Variants in KDM4B observed in about 807,000 individuals in gnomAD.
KDM4B encodes lysine demethylase 4B.
A neutral mutation model predicts 125.2 loss-of-function variants in KDM4B; 32 were observed. The ratio of observed to expected loss-of-function variants is 0.26; its 90% confidence interval spans 0.19 to 0.34. The LOEUF (loss-of-function observed/expected upper bound fraction) is 0.34, where lower values mean the gene tolerates loss of function less well. Ranked by LOEUF, KDM4B falls within the 10% of genes least tolerant of loss-of-function variation. The pLI is 1.00. For synonymous variants in KDM4B, 721 were observed against 677.9 expected (o/e 1.06, Z -0.99); for missense variants, 1,190 against 1,577.7 (o/e 0.75, Z 4.16).
At chr19:5,065,639 G>A (rs976539992) in intron 6 of KDM4B, among the ~76,000 whole-genome samples, 2 of 152,248 alleles carry the variant, frequency 1.3e-5, no homozygotes, top group African/African-American at 4.8e-5. Context: ...CGGGGCCAGC[G>A]TGGCGGCGAG....
At chr19:5,038,706 C>T (rs759322285) in intron 3 of KDM4B, among the ~76,000 whole-genome samples, 3 of 152,224 alleles carry the variant, frequency 2.0e-5, no homozygotes, top group Non-Finnish European at 2.9e-5. Context: ...TTGTGGATCG[C>T]TGTGTGCCTC....
chr19:5,070,841 C>G, intron 6 of KDM4B, 169 bp from the exon 7 acceptor site: 1 of 583,834 alleles, frequency 1.7e-6, no homozygotes, highest in Non-Finnish European at 3.0e-6. Context: ...CGGATTCCGT[C>G]CTGAAAGCCC....
intron 2 of KDM4B, among the ~76,000 whole-genome samples, chr19:5,023,272 G>A (rs1265608153): frequency 6.6e-6 from 1 of 152,220 alleles, no homozygotes; most frequent in African/African-American, 2.4e-5. Context: ...TCGTGCCAAG[G>A]TTTTCTCTTT....
intron 11 of KDM4B, among the ~76,000 whole-genome samples, chr19:5,130,136 G>A (rs1016756822): frequency 1.3e-5 from 2 of 151,990 alleles, no homozygotes; most frequent in Admixed American, 6.6e-5. Context: ...TCACCCTCCC[G>A]CCTCATCTTG....
At chr19:5,042,905 G>A (rs1180440211) in intron 5 of KDM4B, among the ~76,000 whole-genome samples, 2 of 150,334 alleles carry the variant, frequency 1.3e-5, no homozygotes, top group African/African-American at 4.9e-5. Context: ...CTTTACACAC[G>A]TAGCTTGAAG....
In KDM4B at chr19:5,135,370, C is replaced by A; in HGVS notation, c.2117C>A (p.Ala706Asp). ...ALQTEKEAPIASLGEGCPATL... is the reference protein window; with the variant it reads ...ALQTEKEAPIDSLGEGCPATL... ...CAGACTGAGAAGGAGGCACCCATAG[C>A]CTCCCTCGGAGAGGGCTGCCCGGCC... The change falls in exon 15 of 23, where the codon GCC (alanine) becomes GAC (aspartate). Residue 706 changes from alanine (A) to aspartate (D), a missense_variant. Physicochemically the swap from Ala to Asp is moderately radical, Grantham distance 126. Transcript: ENST00000159111. The A allele has an allele frequency of 6.2e-7, 1 of 1,613,374 alleles. No homozygotes were observed. The highest frequency in any genetic ancestry group is 8.5e-7 in the Non-Finnish European group (1 of 1,179,882).
chr19:4,981,693 A>G (rs116252972), intron 1 of KDM4B, among the ~76,000 whole-genome samples: 2,175 of 152,222 alleles, frequency 0.014, 38 homozygotes, highest in African/African-American at 0.05. Context: ...GGTGCTGTAC[A>G]GTCAGCCCAG....
intron 2 of KDM4B, among the ~76,000 whole-genome samples, chr19:5,021,500 G>C (rs2036118434): frequency 6.6e-6 from 1 of 152,118 alleles, no homozygotes; most frequent in Admixed American, 6.5e-5. Flanking sequence ...TTGAGCCCGG[G>C]AGTTCCAGGC....
At chr19:5,038,181 A>T (rs1024205453) in intron 3 of KDM4B, among the ~76,000 whole-genome samples, 42 of 152,290 alleles carry the variant, frequency 2.8e-4, no homozygotes, top group Non-Finnish European at 4.6e-4. Context: ...TCCTGGAAGG[A>T]GGCGTGGGGC....
chr19:4,971,555 G>GCGTT lies in KDM4B; in HGVS notation c.-109+2327_-109+2330dup, dbSNP rs2034259804. On this transcript the variant is annotated intron_variant, in intron 1 of 22. Coordinates refer to ENST00000159111, the MANE Select transcript of KDM4B (RefSeq NM_015015.3). This position sits in a 1 kb window ranked among gnomAD's most constrained non-coding sequence, Gnocchi z 4.1. ...CTGTGGGGACGTGCCTTGGGGTCAT[G>GCGTT]CGTTCACCTGGTCTGGGGCTGCTAG... is the stretch of plus-strand genomic sequence containing the variant. 6.6e-6 allele frequency among the ~76,000 whole-genome samples: 1 copy of GCGTT among 152,192 alleles called. No homozygotes were observed. The highest frequency in any genetic ancestry group is 1.5e-5 in the Non-Finnish European group (1 of 68,038).
Position 5,135,578 on chromosome 19 carries a change from G to A in KDM4B, c.2308+17G>A, listed in dbSNP as rs769721992. ...TCCATGCCAGTGAGTGCCACTGTGG[G>A]GCCCAGAGGAGCTGCGCCCTCCTTC... is the stretch of plus-strand genomic sequence containing the variant. On this transcript the variant is annotated intron_variant, in intron 15 of 22. Transcript: ENST00000159111. 3.8e-6 allele frequency: 6 copies of A among 1,569,820 alleles called. No individual in the cohort carries two copies. The highest frequency in any genetic ancestry group is 2.3e-5 in the East Asian group (1 of 42,590).
chr19:5,146,117 T>G, intron 21 of KDM4B, among the ~76,000 whole-genome samples: 1 of 117,370 alleles, frequency 8.5e-6, no homozygotes. Flanking sequence ...CCCCCGGCCG[T>G]GCAGGCCGAC....
chr19:5,074,156 C>G (rs1046795517), intron 7 of KDM4B: 1 of 152,500 alleles, frequency 6.6e-6, no homozygotes. Context: ...GCCAGCCTGG[C>G]TGTGAACCCC....
intron 1 of KDM4B, among the ~76,000 whole-genome samples, chr19:4,972,472 G>A (rs1345177641): frequency 1.3e-5 from 2 of 152,270 alleles, no homozygotes; most frequent in East Asian, 1.9e-4. Context: ...CCCCACCTCT[G>A]CCCTATCCAC....
intron 9 of KDM4B, among the ~76,000 whole-genome samples, chr19:5,097,102 T>C (rs1012843514): frequency 6.6e-6 from 1 of 152,052 alleles, no homozygotes. Context: ...ATGGTGCCTG[T>C]TCACGAAGAA....
chr19:5,131,529 G>C lies in KDM4B; in HGVS notation c.1769G>C (p.Arg590Pro), dbSNP rs781581755. The C allele has an allele frequency of 1.4e-6, 2 of 1,447,082 alleles. No individual in the cohort carries two copies. Among genetic ancestry groups the C allele is most frequent in the Non-Finnish European group, 1.8e-6 (2 of 1,100,462 alleles). 89.6% of individuals were successfully genotyped at this position (1,447,082 alleles called of 1,614,324 possible). A position where few individuals can be genotyped will look rare whatever the true frequency, so the allele number is the denominator to read the frequency against. ...SGAGRMETKA[R>P]AGEGQAPSTF... ...GCAGGTCGCATGGAGACCAAAGCCCGGGCCGGAGAGGGGCAGGTGGGGTGG... is the reference window on the plus strand; with the variant it reads ...GCAGGTCGCATGGAGACCAAAGCCCCGGCCGGAGAGGGGCAGGTGGGGTGG... The change falls in exon 12 of 23, where the codon CGG (arginine) becomes CCG (proline). Residue 590 changes from arginine (R) to proline (P), a missense_variant. By Grantham distance (103) the Arg-to-Pro change is moderately radical. Coordinates refer to ENST00000159111, the MANE Select transcript of KDM4B (RefSeq NM_015015.3).
At chr19:5,025,485 C>T (rs1409133721) in intron 2 of KDM4B, among the ~76,000 whole-genome samples, 1 of 152,242 alleles carries the variant, frequency 6.6e-6, no homozygotes, top group Admixed American at 6.5e-5. Flanking sequence ...CCAGCCCTGC[C>T]TGCCATCCAC....
chr19:5,053,895 C>T (rs1313961255), intron 6 of KDM4B, among the ~76,000 whole-genome samples: 1 of 152,238 alleles, frequency 6.6e-6, no homozygotes, highest in Non-Finnish European at 1.5e-5. Context: ...ACATGGGTTG[C>T]TGCGTGGCCA....
At chr19:4,980,680 G>A (rs1414658620) in intron 1 of KDM4B, among the ~76,000 whole-genome samples, 3 of 151,978 alleles carry the variant, frequency 2.0e-5, no homozygotes, top group African/African-American at 4.8e-5. Context: ...TGCCTGCCTC[G>A]GCCTCCCAAA....
Sources: allele counts gnomAD v4.1 joint callset (sites outside exome capture counted in the v4.1 genomes callset), GRCh38; gene constraint gnomAD v4.1.1; non-coding constraint Gnocchi (gnomAD v3.1); transcripts MANE v1.5; gene names NCBI Gene and HGNC (gene_info 2026-07-23, HGNC 2026-07-21).